Variants in NOTCH1 observed in about 807,000 individuals in gnomAD.
NOTCH1 encodes the protein notch receptor 1, also known as neurogenic locus notch homolog protein 1.
NOTCH1 carries 37 observed loss-of-function variants against 254.8 expected under a neutral mutation model. That is an observed-to-expected ratio of 0.15 (90% confidence interval 0.11 to 0.19). NOTCH1 has a LOEUF of 0.19. Ranked by LOEUF, NOTCH1 falls within the 10% of genes least tolerant of loss-of-function variation. The probability of loss-of-function intolerance (pLI) is 1.00; values close to 1 mark genes in which losing one functional copy is unlikely to be tolerated. For missense variants in NOTCH1, 2,972 were observed against 3,708.6 expected, an observed-to-expected ratio of 0.80 and a Z score of 5.16; for synonymous variants, 1,731 against 1,618.1, an observed-to-expected ratio of 1.07 and a Z score of -1.68.
chr9:136,527,897 G>T lies in NOTCH1; in HGVS notation c.141-3918C>A, dbSNP rs186607416. Among the ~76,000 whole-genome samples, 19 of 152,156 alleles carry T rather than the reference G, an allele frequency of 1.2e-4. No individual in the cohort carries two copies. The East Asian group carries it at 3.5e-3, about 28-fold the overall frequency. On this transcript the variant is annotated intron_variant, in intron 2 of 33. Coordinates refer to ENST00000651671, the MANE Select transcript of NOTCH1 (RefSeq NM_017617.5). ...CTGTGCCGCTCCCGCCACCTCTACCGCCACCACTTTGTTCCCGCCTCAGTA... is the reference window on the plus strand; with the variant it reads ...CTGTGCCGCTCCCGCCACCTCTACCTCCACCACTTTGTTCCCGCCTCAGTA...
intron 6 of NOTCH1, 107 bp downstream of exon 6, chr9:136,518,484 T>C: frequency 8.4e-7 from 1 of 1,189,260 alleles, no homozygotes; most frequent in Non-Finnish European, 1.2e-6. Flanking sequence ...AAAGGCCCTT[T>C]CAGGTTATCC....
rs2133369738 is a variant in NOTCH1, at chr9:136,518,183, C to T, written c.1209G>A (p.Gly403=). The T allele has an allele frequency of 1.2e-6, 2 of 1,602,510 alleles. No individual in the cohort carries two copies. The highest frequency in any genetic ancestry group is 1.7e-5 in the Admixed American group (1 of 58,622). Residue 403 remains glycine, a synonymous_variant, in exon 7 of 34, where the codon GGG becomes GGA. Coordinates refer to ENST00000651671, the MANE Select transcript of NOTCH1 (RefSeq NM_017617.5). ...CCTGGCTGCAGGCCGGGCCCGTGTACCCCGAGGGGCAGGTGCAGATGGCCT... is the reference window on the plus strand; with the variant it reads ...CCTGGCTGCAGGCCGGGCCCGTGTATCCCGAGGGGCAGGTGCAGATGGCCT... ...NGKAICTCPS[G]YTGPACSQDV...
intron 10 of NOTCH1, 36 bp from the exon 11 acceptor site, chr9:136,515,752 G>A (rs2133364600): frequency 2.0e-6 from 3 of 1,518,132 alleles, no homozygotes; most frequent in African/African-American, 1.4e-5. Flanking sequence ...GGAAGACTTA[G>A]GACTGGCGGC....
intron 19 of NOTCH1, 99 bp downstream of exon 19, chr9:136,508,771 G>A: frequency 8.1e-7 from 1 of 1,238,260 alleles, no homozygotes; most frequent in Non-Finnish European, 1.1e-6. Context: ...GTGACCCCGA[G>A]CCGACACAGT....
At position 136,496,031 on chromosome 9, in the gene NOTCH1, G is replaced by A. The variant is rs2133313437; in HGVS notation, c.*40C>T. 1 of 1,578,290 alleles carries A rather than the reference G, an allele frequency of 6.3e-7. No individual in the cohort carries two copies. Among genetic ancestry groups the A allele is most frequent in the Non-Finnish European group, 8.5e-7 (1 of 1,169,638 alleles). On this transcript the variant is annotated 3_prime_UTR_variant, in exon 34 of 34. Coordinates refer to ENST00000651671, the MANE Select transcript of NOTCH1 (RefSeq NM_017617.5). Reference sequence around the variant, plus strand: ...CACAGAGCGCACACAGACGCCCGAAGGCTTGGGAAAGGAAGCCGGGGTCTC... The same window carrying A: ...CACAGAGCGCACACAGACGCCCGAAAGCTTGGGAAAGGAAGCCGGGGTCTC...
intron 4 of NOTCH1, among the ~76,000 whole-genome samples, chr9:136,522,179 G>T (rs1026236788): frequency 4.6e-5 from 7 of 151,974 alleles, no homozygotes; most frequent in Admixed American, 3.9e-4. Flanking sequence ...GGGTTTCGCC[G>T]TGTTAGCCAG....
In NOTCH1 at chr9:136,509,698, G is replaced by A. The variant is rs779951748; in HGVS notation, c.2969+35C>T. On this transcript the variant is annotated intron_variant, in intron 18 of 33. Transcript: ENST00000651671. The stretch of plus-strand genomic sequence containing the variant: ...CTACTGCGTGTGGCCCGCACCGCCC[G>A]TTCCCTTCCACGGCCTCACTCGAGC... 103 of 1,593,202 alleles carry A rather than the reference G, an allele frequency of 6.5e-5. 1 individual carries two copies. The East Asian group carries it at 1.7e-3, about 27-fold the overall frequency.
At chr9:136,510,901 C>T in intron 16 of NOTCH1, 96 bp from the exon 17 acceptor site, 1 of 1,545,354 alleles carries the variant, frequency 6.5e-7, no homozygotes, top group Admixed American at 1.7e-5. Context: ...CTCTCCCGAC[C>T]CAGGAGTAGG....
intron 2 of NOTCH1, 21 bp from the exon 3 acceptor site, chr9:136,524,000 G>A (rs1843419625): frequency 3.2e-6 from 5 of 1,542,302 alleles, no homozygotes; most frequent in Non-Finnish European, 4.4e-6. Flanking sequence ...ATGTGCCAGG[G>A]CAGTTAGTTC....
rs929388323 is a variant in NOTCH1 at position 136,510,956 on chromosome 9, A to C, written c.2588-151T>G. 8.6e-6 allele frequency: 12 copies of C among 1,395,306 alleles called. No individual in the cohort carries two copies. In the Admixed American group the frequency reaches 1.3e-4, roughly 15 times the overall value. The allele number at this position is 1,395,306 out of a possible 1,614,324, so 86.4% of individuals were successfully genotyped here. A position where few individuals can be genotyped will look rare whatever the true frequency, so the allele number is the denominator to read the frequency against. ...ATCCCCTCTCCCCTAATTTTGGCCT[A>C]AGAAGGTCACAGGAACTGGAGTTGG... On this transcript the variant is annotated intron_variant, in intron 16 of 33. Transcript: ENST00000651671.
At position 136,505,141 on chromosome 9, in the gene NOTCH1, G is replaced by A. The variant is rs774463239; in HGVS notation, c.4587-37C>T. 3.3e-5 allele frequency: 52 copies of A among 1,585,322 alleles called. No individual in the cohort carries two copies. In the East Asian group the frequency reaches 8.1e-4, roughly 25 times the overall value. ...GGGACACGCTCAGGCCGCCTTCCTC[G>A]GGGGGCCTCGCACCCGCCGTCCGGT... On this transcript the variant is annotated intron_variant, in intron 25 of 33. Coordinates refer to ENST00000651671, the MANE Select transcript of NOTCH1 (RefSeq NM_017617.5).
rs995875123 is a variant in NOTCH1 at position 136,527,486 on chromosome 9, A to G, written c.141-3507T>C. 7.2e-5 allele frequency among the ~76,000 whole-genome samples: 11 copies of G among 152,314 alleles called. No homozygotes were observed. In the East Asian group the frequency reaches 1.9e-3, roughly 27 times the overall value. On this transcript the variant is annotated intron_variant, in intron 2 of 33. Coordinates refer to ENST00000651671, the MANE Select transcript of NOTCH1 (RefSeq NM_017617.5). ...GCCCACGGGGATCCTCAGGGCTTCC[A>G]TGAGTGACCCGCACCCCACCTTCCA...
chr9:136,505,947 CCCAGCCCTCGG>C, intron 24 of NOTCH1, 66 bp from the exon 25 acceptor site: 2 of 1,438,436 alleles, frequency 1.4e-6, no homozygotes, highest in Non-Finnish European at 1.9e-6. Flanking sequence ...CCACCTCACA[CCCAGCCCTCGG>C]CCAGCAGTGC....
intron 2 of NOTCH1, among the ~76,000 whole-genome samples, chr9:136,528,956 C>T (rs910650171): frequency 1.3e-5 from 2 of 152,138 alleles, no homozygotes; most frequent in African/African-American, 4.8e-5. Flanking sequence ...GGGACCCCTC[C>T]CTCACCAGCA....
chr9:136,514,480 T>A lies in NOTCH1; in HGVS notation c.2207+30A>T, dbSNP rs776948137. The stretch of plus-strand genomic sequence containing the variant: ...CAGAGCTCCCAGGGTTTAGGACTGA[T>A]GTGTCCCCATGATCGGCCCCGCCGC... On this transcript the variant is annotated intron_variant, in intron 13 of 33. Coordinates refer to ENST00000651671, the MANE Select transcript of NOTCH1 (RefSeq NM_017617.5). 3.9e-6 allele frequency: 6 copies of A among 1,547,524 alleles called. No individual in the cohort carries two copies. In the South Asian group the frequency reaches 4.7e-5, roughly 12 times the overall value.
rs770781173 is a variant in NOTCH1 at position 136,506,623 on chromosome 9, G to A, written c.3918C>T (p.Ser1306=). The A allele has an allele frequency of 1.7e-5, 28 of 1,609,652 alleles. No homozygotes were observed. The highest frequency in any genetic ancestry group is 1.2e-4 in the South Asian group (11 of 90,430). The change falls in exon 24 of 34, where the codon TCC becomes TCT. Residue 1306 remains serine, a synonymous_variant. Coordinates refer to ENST00000651671, the MANE Select transcript of NOTCH1 (RefSeq NM_017617.5). The surrounding 1 kb of genome is among the most constrained non-coding windows in gnomAD (Gnocchi z 4.5). ...GCTTGCCTTTGCAGCCATTGATGAC[G>A]GACTCGCAGCGGCGCCCTAGGGGTA... The part of the protein sequence containing the change: ...RAGHTGRRCE[S]VINGCKGKPC...
At chr9:136,538,160 A>G (rs1042011463) in intron 2 of NOTCH1, among the ~76,000 whole-genome samples, 7 of 152,152 alleles carry the variant, frequency 4.6e-5, no homozygotes, top group African/African-American at 1.7e-4. Context: ...ATCCATCCCC[A>G]AACCAGTCCT....
Position 136,514,634 on chromosome 9 carries a change from C to T in NOTCH1, c.2083G>A (p.Asp695Asn), listed in dbSNP as rs767162403. The T allele has an allele frequency of 1.9e-6, 3 of 1,612,076 alleles. No homozygotes were observed. Among genetic ancestry groups the T allele is most frequent in the Non-Finnish European group, 2.5e-6 (3 of 1,179,744 alleles). Reference sequence around the variant, plus strand: ...CGGCAGGTGAAGCCATTGATGCCGTCCTCGCAGGTGCCCCCGTTGTGGCAG... The same window carrying T: ...CGGCAGGTGAAGCCATTGATGCCGTTCTCGCAGGTGCCCCCGTTGTGGCAG... ...NPCHNGGTCEDGINGFTCRCP... is the reference protein window; with the variant it reads ...NPCHNGGTCENGINGFTCRCP... The change falls in exon 13 of 34, where the codon GAC becomes AAC. Residue 695 changes from aspartate to asparagine, a missense_variant. Physicochemically the swap from Asp to Asn is conservative, Grantham distance 23. Coordinates refer to ENST00000651671, the MANE Select transcript of NOTCH1 (RefSeq NM_017617.5).
chr9:136,505,918 G>GCCACC (rs1272415940), intron 24 of NOTCH1, 37 bp from the exon 25 acceptor site: 1 of 1,517,560 alleles, frequency 6.6e-7, no homozygotes, highest in Non-Finnish European at 8.8e-7. Flanking sequence ...GTCGGGGTGG[G>GCCACC]CCACCCCCCG....
Sources: allele counts gnomAD v4.1 joint callset (sites outside exome capture counted in the v4.1 genomes callset), GRCh38; gene constraint gnomAD v4.1.1; non-coding constraint Gnocchi (gnomAD v3.1); transcripts MANE v1.5; gene names NCBI Gene and HGNC (gene_info 2026-07-23, HGNC 2026-07-21).